The following LRRTM3 variants were observed in gnomAD, a reference collection of about 807,000 sequenced individuals.
LRRTM3 encodes leucine rich repeat transmembrane neuronal 3.
A neutral mutation model predicts 44.7 loss-of-function variants in LRRTM3; 24 were observed. The observed-to-expected ratio is 0.54, with a 90% CI of 0.39 to 0.76. The LOEUF (loss-of-function observed/expected upper bound fraction) is 0.76, where lower values mean the gene tolerates loss of function less well. LRRTM3 is among the 30% of genes least tolerant of loss of function. LRRTM3 has a pLI of 0.00. For synonymous variants in LRRTM3, 277 were observed against 278.7 expected, an observed-to-expected ratio of 0.99 and a Z score of 0.06; for missense variants, 587 against 702.2, an observed-to-expected ratio of 0.84 and a Z score of 1.85.
At chr10:66,959,654 A>G (rs1459350260) in intron 2 of LRRTM3, among the ~76,000 whole-genome samples, 4 of 152,168 alleles carry the variant, frequency 2.6e-5, no homozygotes, top group Non-Finnish European at 4.4e-5. Context: ...TATTTGTGCC[A>G]ATGCCCCCAT....
chr10:67,073,289 C>G (rs746334955), intron 2 of LRRTM3, among the ~76,000 whole-genome samples: 1 of 152,174 alleles, frequency 6.6e-6, no homozygotes, highest in Non-Finnish European at 1.5e-5. Context: ...TCTATTGACA[C>G]AAAATTGACT....
At chr10:67,055,296 T>C (rs771423224) in intron 2 of LRRTM3, among the ~76,000 whole-genome samples, 18 of 152,182 alleles carry the variant, frequency 1.2e-4, no homozygotes, top group African/African-American at 1.9e-4. Context: ...TAATTTCCCA[T>C]TGAGTTTTCA....
chr10:67,083,227 A>T (rs1857137326), intron 2 of LRRTM3, among the ~76,000 whole-genome samples: 1 of 152,224 alleles, frequency 6.6e-6, no homozygotes, highest in Non-Finnish European at 1.5e-5. Flanking sequence ...AAGTAAAAAG[A>T]AAGTGTCTAA....
At chr10:67,034,676 C>A (rs868298561) in intron 2 of LRRTM3, among the ~76,000 whole-genome samples, 1 of 152,154 alleles carries the variant, frequency 6.6e-6, no homozygotes, top group African/African-American at 2.4e-5. Context: ...CTTTCTCAAA[C>A]GAACTTATTT....
chr10:67,046,603 C>T (rs1053621724), intron 2 of LRRTM3, among the ~76,000 whole-genome samples: 1 of 151,942 alleles, frequency 6.6e-6, no homozygotes, highest in South Asian at 2.1e-4. Context: ...ATGATCTTCA[C>T]CACCGTAATA....
intron 2 of LRRTM3, among the ~76,000 whole-genome samples, chr10:67,067,890 T>C (rs2131837812): frequency 6.6e-6 from 1 of 152,262 alleles, no homozygotes; most frequent in East Asian, 1.9e-4. Flanking sequence ...ATGTACAGGG[T>C]CCATTGGCAA....
chr10:67,013,216 T>G (rs2133045885), intron 2 of LRRTM3, among the ~76,000 whole-genome samples: 1 of 151,834 alleles, frequency 6.6e-6, no homozygotes, highest in Non-Finnish European at 1.5e-5. Context: ...GTCAAATGCA[T>G]CTGGTGTCTG....
intron 2 of LRRTM3, among the ~76,000 whole-genome samples, chr10:67,045,063 G>A (rs1854643299): frequency 6.6e-6 from 1 of 152,104 alleles, no homozygotes; most frequent in South Asian, 2.1e-4. Flanking sequence ...GTTTATAGAT[G>A]CCAAATATGA....
intron 2 of LRRTM3, among the ~76,000 whole-genome samples, chr10:66,955,258 G>A (rs1455533435): frequency 6.6e-6 from 1 of 152,064 alleles, no homozygotes; most frequent in Non-Finnish European, 1.5e-5. Context: ...ATCATCAATA[G>A]AGAATAGGAA....
chr10:67,052,778 A>C (rs190209893), intron 2 of LRRTM3: 1 of 152,322 alleles, frequency 6.6e-6, no homozygotes, highest in African/African-American at 2.4e-5. Flanking sequence ...AAACAAACAA[A>C]GTTTACAAAT....
intron 2 of LRRTM3, among the ~76,000 whole-genome samples, chr10:67,078,103 G>A (rs1327883247): frequency 6.6e-6 from 1 of 152,300 alleles, no homozygotes; most frequent in South Asian, 2.1e-4. Flanking sequence ...ACTTCAGTCA[G>A]CTTAACAGCT....
chr10:67,011,246 C>A (rs941131369), intron 2 of LRRTM3, among the ~76,000 whole-genome samples: 8 of 150,212 alleles, frequency 5.3e-5, no homozygotes, highest in African/African-American at 2.0e-4. Context: ...GAGGCTGAGG[C>A]AGGAGAATTG....
At chr10:67,067,784 G>T (rs2131837542) in intron 2 of LRRTM3, among the ~76,000 whole-genome samples, 1 of 152,202 alleles carries the variant, frequency 6.6e-6, no homozygotes, top group South Asian at 2.1e-4. Flanking sequence ...CATTCAATCT[G>T]GGCACACTAT....
chr10:67,032,018 G>A (rs1258291210), intron 2 of LRRTM3, among the ~76,000 whole-genome samples: 1 of 152,276 alleles, frequency 6.6e-6, no homozygotes, highest in East Asian at 1.9e-4. Context: ...AATGGTTTAT[G>A]GCCATGCATA....
At chr10:66,955,774 T>A (rs531649101) in intron 2 of LRRTM3, among the ~76,000 whole-genome samples, 1 of 152,290 alleles carries the variant, frequency 6.6e-6, no homozygotes, top group South Asian at 2.1e-4. Context: ...AGTTTCTTCA[T>A]TGATGGTATA....
chr10:66,944,336 A>G (rs190268396), intron 2 of LRRTM3, among the ~76,000 whole-genome samples: 1 of 152,284 alleles, frequency 6.6e-6, no homozygotes, highest in East Asian at 1.9e-4. Context: ...CATCCATTCA[A>G]GTTTGATCAT....
intron 2 of LRRTM3, among the ~76,000 whole-genome samples, chr10:66,937,806 CCAGT>C (rs1180613696): frequency 6.6e-6 from 1 of 152,136 alleles, no homozygotes; most frequent in South Asian, 2.1e-4. Context: ...CCCAAGTCCT[CCAGT>C]CAATTTCTGA....
intron 2 of LRRTM3, among the ~76,000 whole-genome samples, chr10:67,005,618 C>A (rs926853325): frequency 1.7e-4 from 24 of 144,586 alleles, no homozygotes; most frequent in African/African-American, 5.5e-4. Context: ...GGTCTCAAAT[C>A]GCAATTAATC....
At chr10:67,022,349 C>CTG (rs1472419204) in intron 2 of LRRTM3, among the ~76,000 whole-genome samples, 1 of 151,408 alleles carries the variant, frequency 6.6e-6, no homozygotes, top group Non-Finnish European at 1.5e-5. Flanking sequence ...GTGTGTGTGT[C>CTG]TGTGTGTGTG....
Sources: gnomAD v4.1 joint callset for allele counts (sites outside exome capture counted in the v4.1 genomes callset) on GRCh38, gnomAD v4.1.1 for gene constraint, MANE v1.5 for transcripts, NCBI Gene and HGNC (gene_info 2026-07-23, HGNC 2026-07-21) for gene names.